Variants in PIP4P2 observed in about 807,000 individuals in gnomAD.
PIP4P2 encodes the protein phosphatidylinositol-4,5-bisphosphate 4-phosphatase 2, also known as type 2 phosphatidylinositol 4,5-bisphosphate 4-phosphatase.
In PIP4P2, 19 loss-of-function variants were observed where a neutral mutation model predicts 33.3. The observed-to-expected ratio is 0.57, with a 90% confidence interval of 0.40 to 0.84. The LOEUF (loss-of-function observed/expected upper bound fraction) is 0.84. Among genes scored for constraint, PIP4P2 ranks in the 40% least tolerant of loss-of-function variants. The pLI is 0.00. For synonymous variants in PIP4P2, 110 were observed against 111.9 expected (o/e 0.98, Z 0.11); for missense variants, 270 against 324.7 (o/e 0.83, Z 1.29).
chr8:91,040,534 C>G, intron 1 of PIP4P2, 110 bp downstream of exon 1: 6 of 1,270,726 alleles, frequency 4.7e-6, no homozygotes, highest in Non-Finnish European at 6.7e-6. Context: ...TCAGCCCAAG[C>G]GAGAGGCTCA....
chr8:91,040,771 T>TG lies in PIP4P2; in HGVS notation c.-23dup. ...CCATGACTGCGGCAGCGGCGGGGCC[T>TG]GGGGAGGCCGAGCCGGGGTTGCGGC... On this transcript the variant is annotated 5_prime_UTR_variant, in exon 1 of 7. Transcript: ENST00000285419. 6.2e-7 allele frequency: 1 copy of TG among 1,608,394 alleles called. No homozygotes were observed. Among genetic ancestry groups the TG allele is most frequent in the Non-Finnish European group, 8.5e-7 (1 of 1,178,252 alleles).
chr8:90,995,531 T>C lies in PIP4P2; in HGVS notation c.*146A>G. 1.0e-6 allele frequency: 1 copy of C among 974,114 alleles called. No individual in the cohort carries two copies. Among genetic ancestry groups the C allele is most frequent in the East Asian group, 3.0e-5 (1 of 32,796 alleles). The allele number at this position is 974,114 out of a possible 1,614,324, so 60.3% of individuals were successfully genotyped here. Reference sequence around the variant, plus strand: ...GCATATAATATAGTGCAATGAGCATTTGTTCATAAAAGACTCCCAAAGTCT... The same window carrying C: ...GCATATAATATAGTGCAATGAGCATCTGTTCATAAAAGACTCCCAAAGTCT... On this transcript the variant is annotated 3_prime_UTR_variant, in exon 7 of 7. Transcript: ENST00000285419.
chr8:91,007,133 G>T (rs930329338), intron 5 of PIP4P2, among the ~76,000 whole-genome samples: 10 of 152,084 alleles, frequency 6.6e-5, no homozygotes, highest in Non-Finnish European at 1.5e-5. Flanking sequence ...CTTTGGAGGG[G>T]GGAGTATAGG....
At chr8:91,016,152 G>A (rs952199075) in intron 4 of PIP4P2, among the ~76,000 whole-genome samples, 2 of 152,144 alleles carry the variant, frequency 1.3e-5, no homozygotes, top group East Asian at 3.8e-4. Flanking sequence ...TTACAAAGAT[G>A]TCATGAAAAA....
rs1189711772 is a variant in PIP4P2, at chr8:91,006,508, C to A, written c.539+2235G>T. 2.0e-5 allele frequency among the ~76,000 whole-genome samples: 3 copies of A among 152,160 alleles called. No individual in the cohort carries two copies. The East Asian group carries it at 5.8e-4, about 29-fold the overall frequency. On this transcript the variant is annotated intron_variant, in intron 5 of 6. Transcript: ENST00000285419. ...TTGCCATTGTACGAAAATAATTAAC[C>A]AAGCAAGTCCCTTGAGCAAAATCCT... is the stretch of plus-strand genomic sequence containing the variant.
At chr8:91,035,267 G>T (rs928695578) in intron 1 of PIP4P2, among the ~76,000 whole-genome samples, 7 of 152,138 alleles carry the variant, frequency 4.6e-5, no homozygotes, top group Non-Finnish European at 2.9e-5. Flanking sequence ...TTTATGTTAA[G>T]CTGCTTTGAG....
intron 1 of PIP4P2, 72 bp downstream of exon 1, chr8:91,040,572 G>T (rs1812291795): frequency 6.5e-7 from 1 of 1,549,402 alleles, no homozygotes; most frequent in East Asian, 2.2e-5. Context: ...GAGCTCCCAG[G>T]TCTTTATCCT....
At chr8:91,022,573 C>A (rs1044002842) in intron 1 of PIP4P2, among the ~76,000 whole-genome samples, 1 of 152,110 alleles carries the variant, frequency 6.6e-6, no homozygotes, top group African/African-American at 2.4e-5. Flanking sequence ...GAACTGGTAT[C>A]TCAAGAGGCT....
chr8:90,998,200 T>C (rs1300154733), intron 5 of PIP4P2, among the ~76,000 whole-genome samples: 1 of 152,078 alleles, frequency 6.6e-6, no homozygotes, highest in Non-Finnish European at 1.5e-5. Context: ...TAATATACCA[T>C]TTATTAGAAG....
At chr8:91,003,518 G>A (rs1311583193) in intron 5 of PIP4P2, among the ~76,000 whole-genome samples, 27 of 152,002 alleles carry the variant, frequency 1.8e-4, no homozygotes, top group Admixed American at 1.7e-3. Flanking sequence ...ATAATGTAGG[G>A]GGTGAAAAAG....
chr8:90,996,291 G>GT (rs1468939785), intron 6 of PIP4P2, among the ~76,000 whole-genome samples: 2 of 151,992 alleles, frequency 1.3e-5, no homozygotes, highest in African/African-American at 2.4e-5. Flanking sequence ...GAGAAGAGTG[G>GT]TTTTTTTAGA....
At position 90,995,690 on chromosome 8, in the gene PIP4P2, T is replaced by G. The variant is rs781622276; in HGVS notation, c.761A>C (p.His254Pro). ...TCATAAACAAGCTTATGCAAAACTG[T>G]GTTCTGGATAACTGACTCTTATGGC... is the stretch of plus-strand genomic sequence containing the variant. Reference protein sequence around the residue: ...WGAIRVSYPEHSFA With the variant: ...WGAIRVSYPEPSFA Residue 254 changes from histidine (H) to proline (P), a missense_variant, in exon 7 of 7, where the codon CAC (histidine) becomes CCC (proline). By Grantham distance (77) the His-to-Pro change is moderately conservative. Coordinates refer to ENST00000285419, the MANE Select transcript of PIP4P2 (RefSeq NM_018710.3). 6.2e-7 allele frequency: 1 copy of G among 1,611,640 alleles called. No homozygotes were observed. Among genetic ancestry groups the G allele is most frequent in the Non-Finnish European group, 8.5e-7 (1 of 1,179,064 alleles).
chr8:90,998,997 T>G (rs1387570856), intron 5 of PIP4P2, among the ~76,000 whole-genome samples: 3 of 151,922 alleles, frequency 2.0e-5, no homozygotes, highest in African/African-American at 7.3e-5. Flanking sequence ...ACCTACAGAA[T>G]GGGAGAAAAA....
Position 90,995,316 on chromosome 8 carries a change from T to C in PIP4P2, c.*361A>G. On this transcript the variant is annotated 3_prime_UTR_variant, in exon 7 of 7. Coordinates refer to ENST00000285419, the MANE Select transcript of PIP4P2 (RefSeq NM_018710.3). ...TGTAAATATAAATGTGAAACTATTA[T>C]AGAAATATTTATAAACACTTAGGAA... is the stretch of plus-strand genomic sequence containing the variant. 6.5e-6 allele frequency: 1 copy of C among 154,636 alleles called. No individual in the cohort carries two copies. Among genetic ancestry groups the C allele is most frequent in the Non-Finnish European group, 1.4e-5 (1 of 69,424 alleles). 9.6% of individuals were successfully genotyped at this position (154,636 alleles called of 1,614,324 possible).
chr8:91,032,934 T>A (rs1812189854), intron 1 of PIP4P2, among the ~76,000 whole-genome samples: 1 of 152,142 alleles, frequency 6.6e-6, no homozygotes, highest in Admixed American at 6.6e-5. Context: ...GTTATGAACA[T>A]CCCTCCTGTT....
intron 5 of PIP4P2, among the ~76,000 whole-genome samples, chr8:90,998,914 T>C (rs1032503392): frequency 1.3e-5 from 2 of 151,820 alleles, no homozygotes; most frequent in Admixed American, 1.3e-4. Context: ...AAAGCAAAAA[T>C]GAACAAATGA....
chr8:91,027,061 A>G (rs1191786002), intron 1 of PIP4P2, among the ~76,000 whole-genome samples: 2 of 152,214 alleles, frequency 1.3e-5, no homozygotes, highest in African/African-American at 4.8e-5. Flanking sequence ...TCTTAACCTT[A>G]AAAGTATCAC....
chr8:91,032,279 C>A (rs1298080065), intron 1 of PIP4P2, among the ~76,000 whole-genome samples: 1 of 152,132 alleles, frequency 6.6e-6, no homozygotes, highest in African/African-American at 2.4e-5. Context: ...AAGGAACTCA[C>A]TTTACAACAG....
chr8:91,014,366 G>A (rs760294828), intron 4 of PIP4P2, among the ~76,000 whole-genome samples: 6 of 152,044 alleles, frequency 3.9e-5, no homozygotes, highest in Admixed American at 1.3e-4. Context: ...ACAGATGAAC[G>A]GATAAAGAAA....
Sources: allele counts gnomAD v4.1 joint callset (sites outside exome capture counted in the v4.1 genomes callset), GRCh38; gene constraint gnomAD v4.1.1; transcripts MANE v1.5; gene names NCBI Gene and HGNC (gene_info 2026-07-23, HGNC 2026-07-21).